Variants in DNM1 observed in about 807,000 individuals in gnomAD.
DNM1 encodes the protein dynamin-1.
Under a neutral mutation model 104.6 loss-of-function variants are expected in DNM1, and 29 were observed. That is an observed-to-expected ratio of 0.28 (90% confidence interval 0.21 to 0.38). The LOEUF (loss-of-function observed/expected upper bound fraction) is 0.38. Among genes scored for constraint, DNM1 ranks in the 10% least tolerant of loss-of-function variants. The pLI, the probability that DNM1 is intolerant of heterozygous loss-of-function variation, is 1.00. For synonymous variants in DNM1, 445 were observed against 475.8 expected (o/e 0.94, Z 0.84); for missense variants, 640 against 1,189.4 (o/e 0.54, Z 6.79).
rs182909156 is a variant in DNM1, at chr9:128,245,987, C to G, written c.1672-407C>G. ...GGCTGAGCCGGCCCTTTGAAGCCGC[C>G]GGGTCTGGTGGCCCCCCTTCCTGGT... On this transcript the variant is annotated intron_variant, in intron 15 of 21. Coordinates refer to ENST00000372923, the MANE Select transcript of DNM1 (RefSeq NM_004408.4). The surrounding 1 kb of genome is among the most constrained non-coding windows in gnomAD (Gnocchi z 5.2). Among the ~76,000 whole-genome samples, 1 of 152,224 alleles carries G rather than the reference C, an allele frequency of 6.6e-6. No individual in the cohort carries two copies. The highest frequency in any genetic ancestry group is 2.4e-5 in the African/African-American group (1 of 41,454).
At position 128,222,658 on chromosome 9, in the gene DNM1, C is replaced by T; in HGVS notation, c.1128+62C>T. On this transcript the variant is annotated intron_variant, in intron 8 of 21. Coordinates refer to ENST00000372923, the MANE Select transcript of DNM1 (RefSeq NM_004408.4). The surrounding 1 kb of genome is among the most constrained non-coding windows in gnomAD (Gnocchi z 7.8). ...ACTCCCCCCACCCTCACTCAGGACT[C>T]TCTCTGCGTGTGTTTTTGCTGGCCC... is the stretch of plus-strand genomic sequence containing the variant. 1.9e-6 allele frequency: 3 copies of T among 1,606,352 alleles called. No individual in the cohort carries two copies. The South Asian group carries it at 3.3e-5, about 18-fold the overall frequency.
chr9:128,247,192 T>G lies in DNM1; in HGVS notation c.1782-183T>G. On this transcript the variant is annotated intron_variant, in intron 16 of 21. Transcript: ENST00000372923. The surrounding 1 kb of genome is among the most constrained non-coding windows in gnomAD (Gnocchi z 5.1). ...CCTCAGTGACCCAAGGAGGCAGGAATTATTATTAACCCATCTTCCCAGTGA... is the reference window on the plus strand; with the variant it reads ...CCTCAGTGACCCAAGGAGGCAGGAAGTATTATTAACCCATCTTCCCAGTGA... 9.9e-6 allele frequency: 5 copies of G among 506,948 alleles called. No homozygotes were observed. The highest frequency in any genetic ancestry group is 1.4e-5 in the Non-Finnish European group (4 of 279,852). 31.4% of individuals were successfully genotyped at this position (506,948 alleles called of 1,614,324 possible). A position where few individuals can be genotyped will look rare whatever the true frequency, so the allele number is the denominator to read the frequency against.
At chr9:128,251,491 C>T (rs1829516487) in intron 21 of DNM1, 1 of 230,642 alleles carries the variant, frequency 4.3e-6, no homozygotes, top group Non-Finnish European at 8.9e-6. Context: ...GACTGTGTGA[C>T]TAGAAAGGTG....
At chr9:128,233,628 G>C (rs1016305227) in intron 10 of DNM1, 3 of 196,986 alleles carry the variant, frequency 1.5e-5, no homozygotes, top group Non-Finnish European at 1.0e-5. Flanking sequence ...CTTTAGGAAG[G>C]CACAGGGTAG....
intron 1 of DNM1, among the ~76,000 whole-genome samples, chr9:128,211,763 C>T (rs1225230249): frequency 6.6e-6 from 1 of 152,182 alleles, no homozygotes; most frequent in East Asian, 1.9e-4. Flanking sequence ...GATGCCTTCT[C>T]TGATGACCCT....
chr9:128,218,589 C>T lies in DNM1; in HGVS notation c.243C>T (p.Ala81=), dbSNP rs1834754134. The change falls in exon 3 of 22, where the codon GCC becomes GCT. Residue 81 remains alanine (A), a synonymous_variant. Transcript: ENST00000372923. This position sits in a 1 kb window ranked among gnomAD's most constrained non-coding sequence, Gnocchi z 4.8. The part of the protein sequence containing the change: ...LQLVNATTEY[A]EFLHCKGKKF... ...TGCCCGCTTCTGGAGCAGAATATGC[C>T]GAGTTCCTGCACTGCAAGGGAAAGA... The T allele has an allele frequency of 6.2e-7, 1 of 1,610,530 alleles. No homozygotes were observed.
chr9:128,237,148 C>A lies in DNM1; in HGVS notation c.1423-2297C>A, dbSNP rs1247526283. Among the ~76,000 whole-genome samples the A allele has an allele frequency of 2.6e-5, 4 of 152,318 alleles. No individual in the cohort carries two copies. The South Asian group carries it at 6.2e-4, about 24-fold the overall frequency. ...GGAAGCAGTGGGGCTTGGGTCTGAA[C>A]CTGGAAGTCTTTGTCCCATCTGGAA... is the stretch of plus-strand genomic sequence containing the variant. On this transcript the variant is annotated intron_variant, in intron 11 of 21. Transcript: ENST00000372923.
intron 10 of DNM1, among the ~76,000 whole-genome samples, chr9:128,228,218 T>C (rs777230858): frequency 2.0e-5 from 3 of 151,966 alleles, no homozygotes; most frequent in Non-Finnish European, 4.4e-5. Flanking sequence ...ATTTTTCTTA[T>C]TTTCAGTAGA....
At chr9:128,230,623 T>G (rs974663934) in intron 10 of DNM1, among the ~76,000 whole-genome samples, 3 of 150,886 alleles carry the variant, frequency 2.0e-5, no homozygotes, top group East Asian at 2.0e-4. Flanking sequence ...GCTAATTTTT[T>G]GTATTTTTAG....
rs1829301945 is a variant in DNM1, at chr9:128,248,450, T to C, written c.1906-133T>C. ...AGAGGCACAGGGATGCGGAGCCAGGTATGTATTCAGGCCAGTCGCTTCTCT... is the reference window on the plus strand; with the variant it reads ...AGAGGCACAGGGATGCGGAGCCAGGCATGTATTCAGGCCAGTCGCTTCTCT... On this transcript the variant is annotated intron_variant, in intron 18 of 21. Coordinates refer to ENST00000372923, the MANE Select transcript of DNM1 (RefSeq NM_004408.4). This position sits in a 1 kb window ranked among gnomAD's most constrained non-coding sequence, Gnocchi z 5.6. 1.3e-5 allele frequency: 13 copies of C among 975,000 alleles called. No homozygotes were observed. In the South Asian group the frequency reaches 2.2e-4, roughly 17 times the overall value. 60.4% of individuals were successfully genotyped at this position (975,000 alleles called of 1,614,324 possible).
At chr9:128,213,724 C>T (rs997007470) in intron 1 of DNM1, among the ~76,000 whole-genome samples, 3 of 152,174 alleles carry the variant, frequency 2.0e-5, no homozygotes, top group South Asian at 2.1e-4. Context: ...ATCTTCCATT[C>T]CCTCTTTTGG....
chr9:128,248,758 G>A lies in DNM1; in HGVS notation c.2076+5G>A, dbSNP rs1829321597. On this transcript the variant is annotated splice_donor_5th_base_variant and intron_variant, in intron 19 of 21. Coordinates refer to ENST00000372923, the MANE Select transcript of DNM1 (RefSeq NM_004408.4). This position sits in a 1 kb window ranked among gnomAD's most constrained non-coding sequence, Gnocchi z 5.6. ...ATGCACCTCATGATTAACAATGTGCGTGCTCCACTGCATGGGGGCAGGGAA... is the reference window on the plus strand; with the variant it reads ...ATGCACCTCATGATTAACAATGTGCATGCTCCACTGCATGGGGGCAGGGAA... 1.9e-6 allele frequency: 3 copies of A among 1,610,826 alleles called. No individual in the cohort carries two copies. The highest frequency in any genetic ancestry group is 1.7e-6 in the Non-Finnish European group (2 of 1,177,214).
intron 9 of DNM1, chr9:128,223,112 C>A: frequency 2.0e-6 from 1 of 512,172 alleles, no homozygotes. Context: ...GGGGAAACAC[C>A]CTCTGGGGCT....
Position 128,248,628 on chromosome 9 carries a change from A to C in DNM1, c.1951A>C (p.Met651Leu), listed in dbSNP as rs202117494. 1 of 1,614,050 alleles carries C rather than the reference A, an allele frequency of 6.2e-7. No homozygotes were observed. The highest frequency in any genetic ancestry group is 8.5e-7 in the Non-Finnish European group (1 of 1,179,936). ...ENGSDSFMHS[M>L]DPQLERQVET... The stretch of plus-strand genomic sequence containing the variant: ...TGGCTCCGACAGCTTCATGCATTCC[A>C]TGGACCCACAGCTGGAACGGCAAGT... Residue 651 changes from methionine to leucine, a missense_variant, in exon 19 of 22, where the codon ATG becomes CTG. By Grantham distance (15) the Met-to-Leu change is conservative. Around this residue, in one of 7 missense-constraint regions of DNM1, gnomAD observed 91 missense variants for 256.3 expected, o/e 0.36. Coordinates refer to ENST00000372923, the MANE Select transcript of DNM1 (RefSeq NM_004408.4). This position sits in a 1 kb window ranked among gnomAD's most constrained non-coding sequence, Gnocchi z 5.6.
chr9:128,226,273 C>T (rs1588383840), intron 10 of DNM1: 1 of 1,520,038 alleles, frequency 6.6e-7, no homozygotes, highest in Admixed American at 2.1e-5. Flanking sequence ...CTCACGGCTA[C>T]CCGCAGGGAC....
rs1288867452 is a variant in DNM1 at position 128,218,452 on chromosome 9, A to G, written c.236-130A>G. 2 of 1,386,366 alleles carry G rather than the reference A, an allele frequency of 1.4e-6. No homozygotes were observed. Among genetic ancestry groups the G allele is most frequent in the East Asian group, 4.6e-5 (2 of 43,468 alleles). The allele number at this position is 1,386,366 out of a possible 1,614,324, so 85.9% of individuals were successfully genotyped here. A position where few individuals can be genotyped will look rare whatever the true frequency, so the allele number is the denominator to read the frequency against. On this transcript the variant is annotated intron_variant, in intron 2 of 21. Coordinates refer to ENST00000372923, the MANE Select transcript of DNM1 (RefSeq NM_004408.4). This position sits in a 1 kb window ranked among gnomAD's most constrained non-coding sequence, Gnocchi z 4.8. Reference sequence around the variant, plus strand: ...GGGATAGCGGGGATCAAAATACATAATGGAGACGTGGGTGGTGGTTCTGCT... The same window carrying G: ...GGGATAGCGGGGATCAAAATACATAGTGGAGACGTGGGTGGTGGTTCTGCT...
chr9:128,254,550 A>G lies in DNM1; in HGVS notation c.2535-104A>G. On this transcript the variant is annotated intron_variant, in intron 21 of 21. Coordinates refer to ENST00000372923, the MANE Select transcript of DNM1 (RefSeq NM_004408.4). The surrounding 1 kb of genome is among the most constrained non-coding windows in gnomAD (Gnocchi z 6.1). ...GCCTCCCCTCCCCGGCCCTCCCACC[A>G]CTGCTGCGGCGCGGCCGGCCCCGGC... 1 of 1,488,926 alleles carries G rather than the reference A, an allele frequency of 6.7e-7. No individual in the cohort carries two copies. Among genetic ancestry groups the G allele is most frequent in the Non-Finnish European group, 9.0e-7 (1 of 1,117,018 alleles). 92.2% of individuals were successfully genotyped at this position (1,488,926 alleles called of 1,614,324 possible).
chr9:128,220,738 C>CGTGTGT lies in DNM1; in HGVS notation c.849+398_849+399insTGTGTG, dbSNP rs776283695. On this transcript the variant is annotated intron_variant, in intron 6 of 21. Coordinates refer to ENST00000372923, the MANE Select transcript of DNM1 (RefSeq NM_004408.4). The surrounding 1 kb of genome is among the most constrained non-coding windows in gnomAD (Gnocchi z 5.2). ...CATCCAGAACTGAAGTGCGCGCGCG[C>CGTGTGT]GCGCGTGTGTGTGTGTGTGTGTGTG... is the stretch of plus-strand genomic sequence containing the variant. 1.0e-4 allele frequency among the ~76,000 whole-genome samples: 10 copies of CGTGTGT among 96,416 alleles called. No individual in the cohort carries two copies. Among genetic ancestry groups the CGTGTGT allele is most frequent in the African/African-American group, 5.5e-4 (9 of 16,508 alleles). 63.3% of individuals were successfully genotyped at this position (96,416 alleles called of 152,430 possible).
In DNM1 at chr9:128,218,761, A is replaced by G. The variant is rs1043189053; in HGVS notation, c.385+30A>G. Reference sequence around the variant, plus strand: ...GGACCCTGGCCCCGCCCTAACCTCTAAGAATCATTTTCTTGGCCACGCACC... The same window carrying G: ...GGACCCTGGCCCCGCCCTAACCTCTGAGAATCATTTTCTTGGCCACGCACC... On this transcript the variant is annotated intron_variant, in intron 3 of 21. Transcript: ENST00000372923. The surrounding 1 kb of genome is among the most constrained non-coding windows in gnomAD (Gnocchi z 4.8). The G allele has an allele frequency of 3.8e-6, 6 of 1,566,776 alleles. No homozygotes were observed. Among genetic ancestry groups the G allele is most frequent in the Non-Finnish European group, 5.2e-6 (6 of 1,153,584 alleles).
Sources: gnomAD v4.1 joint callset for allele counts (sites outside exome capture counted in the v4.1 genomes callset) on GRCh38, gnomAD v4.1.1 for gene constraint, gnomAD v4.1.1 regional missense constraint, Gnocchi (gnomAD v3.1) non-coding constraint, MANE v1.5 for transcripts, NCBI Gene and HGNC (gene_info 2026-07-23, HGNC 2026-07-21) for gene names.